Variants in FBLN1 observed in about 807,000 individuals in gnomAD.
FBLN1 encodes fibulin 1, also known as fibulin-1.
Under a neutral mutation model 89.7 loss-of-function variants are expected in FBLN1, and 34 were observed. The ratio of observed to expected loss-of-function variants is 0.38; its 90% CI spans 0.29 to 0.50. FBLN1 has a LOEUF of 0.50. Among genes scored for constraint, FBLN1 ranks in the 20% least tolerant of loss-of-function variants. The probability of loss-of-function intolerance (pLI) is 0.92; values close to 1 mark genes in which losing one functional copy is unlikely to be tolerated. For missense variants in FBLN1, 777 were observed against 988.1 expected (o/e 0.79, Z 2.86); for synonymous variants, 393 against 391.3 (o/e 1.00, Z -0.05).
intron 11 of FBLN1, among the ~76,000 whole-genome samples, chr22:45,544,563 A>C (rs2088602038): frequency 6.6e-6 from 1 of 152,256 alleles, no homozygotes; most frequent in Non-Finnish European, 1.5e-5. Context: ...GTTTTTCTAA[A>C]GTAGATGCTT....
At chr22:45,596,961 T>C (rs1171658297) in intron 16 of FBLN1, among the ~76,000 whole-genome samples, 1 of 150,352 alleles carries the variant, frequency 6.7e-6, no homozygotes, top group Non-Finnish European at 1.5e-5. Flanking sequence ...ATATATCATA[T>C]ATGAAACTAT....
At position 45,580,953 on chromosome 22, in the gene FBLN1, G is replaced by A. The variant is rs1319278908; in HGVS notation, c.1972+3845G>A. Among the ~76,000 whole-genome samples the A allele has an allele frequency of 6.6e-6, 1 of 152,326 alleles. No homozygotes were observed. The highest frequency in any genetic ancestry group is 1.5e-5 in the Non-Finnish European group (1 of 68,022). ...CCCTTGCATTCCTCTTTAACCGGCT[G>A]TCAAAGAAAAATGAAGAATGCGTTT... On this transcript the variant is annotated intron_variant, in intron 16 of 16. Coordinates refer to ENST00000327858, the MANE Select transcript of FBLN1 (RefSeq NM_006486.3). The surrounding 1 kb of genome is among the most constrained non-coding windows in gnomAD (Gnocchi z 8.6).
chr22:45,560,606 C>T (rs2088839658), intron 14 of FBLN1, among the ~76,000 whole-genome samples: 1 of 152,194 alleles, frequency 6.6e-6, no homozygotes, highest in South Asian at 2.1e-4. Flanking sequence ...AATGCAGAGT[C>T]CCTGCTTAGT....
In FBLN1 at chr22:45,537,326, T is replaced by A. The variant is rs1251396482; in HGVS notation, c.922+1989T>A. On this transcript the variant is annotated intron_variant, in intron 8 of 16. Coordinates refer to ENST00000327858, the MANE Select transcript of FBLN1 (RefSeq NM_006486.3). The surrounding 1 kb of genome is among the most constrained non-coding windows in gnomAD (Gnocchi z 5.7). The stretch of plus-strand genomic sequence containing the variant: ...TTTTAACCACTGAGATATTTAAAGA[T>A]AAGTGGATGTGGCCGGGCACAGTGA... Among the ~76,000 whole-genome samples the A allele has an allele frequency of 1.3e-5, 2 of 152,142 alleles. No individual in the cohort carries two copies. Among genetic ancestry groups the A allele is most frequent in the African/African-American group, 4.8e-5 (2 of 41,444 alleles).
intron 8 of FBLN1, among the ~76,000 whole-genome samples, chr22:45,538,296 TA>T (rs1482561649): frequency 6.6e-6 from 1 of 152,266 alleles, no homozygotes; most frequent in Non-Finnish European, 1.5e-5. Context: ...ATCATTGTTT[TA>T]AAAGATCTCT....
At chr22:45,514,263 G>GT (rs1183686045) in intron 1 of FBLN1, among the ~76,000 whole-genome samples, 1 of 152,182 alleles carries the variant, frequency 6.6e-6, no homozygotes, top group Non-Finnish European at 1.5e-5. Context: ...TGGAACCCAA[G>GT]TTAATGACGC....
intron 16 of FBLN1, among the ~76,000 whole-genome samples, chr22:45,592,612 G>A (rs1451676157): frequency 6.6e-6 from 1 of 152,216 alleles, no homozygotes; most frequent in Non-Finnish European, 1.5e-5. Flanking sequence ...ACAGGCGTGA[G>A]TCACCACGCC....
chr22:45,548,495 C>T (rs989024350), intron 12 of FBLN1, 118 bp from the exon 13 acceptor site: 115 of 1,389,614 alleles, frequency 8.3e-5, no homozygotes, highest in Non-Finnish European at 1.1e-4. Context: ...CTGTGTTCAG[C>T]TTGTCCTGTG....
At chr22:45,525,404 G>T in intron 2 of FBLN1, 139 bp from the exon 3 acceptor site, 1 of 769,922 alleles carries the variant, frequency 1.3e-6, no homozygotes, top group Non-Finnish European at 2.1e-6. Context: ...TGCCACTGGG[G>T]CACTGTGTAT....
rs1569264695 is a variant in FBLN1 at position 45,580,372 on chromosome 22, G to A, written c.1972+3264G>A. Among the ~76,000 whole-genome samples the A allele has an allele frequency of 6.6e-6, 1 of 152,144 alleles. No homozygotes were observed. Among genetic ancestry groups the A allele is most frequent in the South Asian group, 2.1e-4 (1 of 4,826 alleles). ...CACGGTGCTTGCTGAACACCTGTCT[G>A]CTCTAGGCCATGCCCTGTGTGGACA... On this transcript the variant is annotated intron_variant, in intron 16 of 16. Transcript: ENST00000327858. This position sits in a 1 kb window ranked among gnomAD's most constrained non-coding sequence, Gnocchi z 8.6.
intron 4 of FBLN1, 106 bp downstream of exon 4, chr22:45,528,115 T>A: frequency 7.9e-7 from 1 of 1,261,088 alleles, no homozygotes; most frequent in Non-Finnish European, 1.1e-6. Context: ...TTGGCTCATG[T>A]GATCGTGGGG....
At chr22:45,541,514 A>T in intron 9 of FBLN1, 142 bp downstream of exon 9, 1 of 1,068,670 alleles carries the variant, frequency 9.4e-7, no homozygotes, top group Non-Finnish European at 1.4e-6. Flanking sequence ...GTTCCCAAGC[A>T]TGGGGCTTCA....
Position 45,562,857 on chromosome 22 carries a change from G to T in FBLN1, c.1698-11654G>T. On this transcript the variant is annotated intron_variant, in intron 14 of 16. Transcript: ENST00000327858. This position sits in a 1 kb window ranked among gnomAD's most constrained non-coding sequence, Gnocchi z 7.8. ...CATCCCCGCGCTCTGCCGTTTCTCCGCTTGCTGGACCGGCCCTAACCCTCT... is the reference window on the plus strand; with the variant it reads ...CATCCCCGCGCTCTGCCGTTTCTCCTCTTGCTGGACCGGCCCTAACCCTCT... The T allele has an allele frequency of 2.6e-6, 4 of 1,564,802 alleles. No individual in the cohort carries two copies. The highest frequency in any genetic ancestry group is 1.1e-5 in the South Asian group (1 of 90,232).
intron 12 of FBLN1, 96 bp downstream of exon 12, chr22:45,547,300 G>C (rs2088642679): frequency 6.5e-7 from 1 of 1,536,116 alleles, no homozygotes; most frequent in Admixed American, 1.7e-5. Context: ...ACAGGGAAGA[G>C]CCTGCTGGGA....
intron 16 of FBLN1, among the ~76,000 whole-genome samples, chr22:45,584,438 G>A (rs778583717): frequency 2.6e-5 from 4 of 152,210 alleles, no homozygotes; most frequent in African/African-American, 7.2e-5. Context: ...TAGCAATGGC[G>A]TGAGTGGCCC....
intron 14 of FBLN1, among the ~76,000 whole-genome samples, chr22:45,571,156 A>AAAAAC (rs2088950819): frequency 6.6e-6 from 1 of 151,552 alleles, no homozygotes; most frequent in Non-Finnish European, 1.5e-5. Context: ...AAAAGGAGGG[A>AAAAAC]AAAACAAACT....
At chr22:45,509,417 C>G (rs2088068493) in intron 1 of FBLN1, among the ~76,000 whole-genome samples, 1 of 152,194 alleles carries the variant, frequency 6.6e-6, no homozygotes, top group South Asian at 2.1e-4. Context: ...ATGACAGATG[C>G]TGGGAACAGG....
rs1349035415 is a variant in FBLN1, at chr22:45,590,502, G to C, written c.1973-9805G>C. On this transcript the variant is annotated intron_variant, in intron 16 of 16. Coordinates refer to ENST00000327858, the MANE Select transcript of FBLN1 (RefSeq NM_006486.3). The surrounding 1 kb of genome is among the most constrained non-coding windows in gnomAD (Gnocchi z 4.1). ...CCTGCTGTGAGCCCGGGTGGGGGTA[G>C]GGTGAGAAGAGCCCCCTGCAGAGCC... Among the ~76,000 whole-genome samples, 1 of 152,180 alleles carries C rather than the reference G, an allele frequency of 6.6e-6. No homozygotes were observed.
chr22:45,585,980 C>T (rs1255144433), intron 16 of FBLN1, among the ~76,000 whole-genome samples: 1 of 152,148 alleles, frequency 6.6e-6, no homozygotes, highest in African/African-American at 2.4e-5. Flanking sequence ...TGGTGACCCT[C>T]CCTGCAGCAG....
Sources: gnomAD v4.1 joint callset for allele counts (sites outside exome capture counted in the v4.1 genomes callset) on GRCh38, gnomAD v4.1.1 for gene constraint, Gnocchi (gnomAD v3.1) non-coding constraint, MANE v1.5 for transcripts, NCBI Gene and HGNC (gene_info 2026-07-23, HGNC 2026-07-21) for gene names.